The following NOTCH1 variants were observed in gnomAD, a reference collection of about 807,000 sequenced individuals.
NOTCH1 encodes the protein notch receptor 1, also known as neurogenic locus notch homolog protein 1.
A neutral mutation model predicts 254.8 loss-of-function variants in NOTCH1; 37 were observed. That is an observed-to-expected ratio of 0.15 (90% CI 0.11 to 0.19). The LOEUF (loss-of-function observed/expected upper bound fraction) is 0.19. Among genes scored for constraint, NOTCH1 ranks in the 10% least tolerant of loss-of-function variants. The pLI, the probability that NOTCH1 is intolerant of heterozygous loss-of-function variation, is 1.00. For missense variants in NOTCH1, 2,972 were observed against 3,708.6 expected (o/e 0.80, Z 5.16); for synonymous variants, 1,731 against 1,618.1 (o/e 1.07, Z -1.68).
chr9:136,535,326 G>T (rs1157653342), intron 2 of NOTCH1, among the ~76,000 whole-genome samples: 1 of 152,016 alleles, frequency 6.6e-6, no homozygotes, highest in Non-Finnish European at 1.5e-5. Context: ...AGAGGGCCCT[G>T]TTTAACCGTG....
intron 27 of NOTCH1, chr9:136,502,705 G>C (rs1843018034): frequency 1.7e-6 from 1 of 577,504 alleles, no homozygotes; most frequent in Non-Finnish European, 3.1e-6. Context: ...TCTATCTGGA[G>C]ACGGCTTTTA....
intron 2 of NOTCH1, among the ~76,000 whole-genome samples, chr9:136,526,240 G>C (rs540015565): frequency 6.6e-6 from 1 of 152,268 alleles, no homozygotes; most frequent in Admixed American, 6.5e-5. Flanking sequence ...GCACAGGCTG[G>C]GCTGGGCTGG....
rs1564216766 is a variant in NOTCH1, at chr9:136,545,121, T to TC, written c.61+604dup. Among the ~76,000 whole-genome samples, 1 of 150,702 alleles carries TC rather than the reference T, an allele frequency of 6.6e-6. No individual in the cohort carries two copies. Among genetic ancestry groups the TC allele is most frequent in the Admixed American group, 6.6e-5 (1 of 15,194 alleles). ...TCCGCAAAGCAAAAGGAAAGTTCAG[T>TC]CCCCCCGGGCGCGGCGGCTTCTTAC... On this transcript the variant is annotated intron_variant, in intron 1 of 33. Transcript: ENST00000651671. The surrounding 1 kb of genome is among the most constrained non-coding windows in gnomAD (Gnocchi z 6.8).
rs368588745 is a variant in NOTCH1 at position 136,518,273 on chromosome 9, G to A, written c.1119C>T (p.Asn373=). Residue 373 remains asparagine, a synonymous_variant, in exon 7 of 34, where the codon AAC becomes AAT. Coordinates refer to ENST00000651671, the MANE Select transcript of NOTCH1 (RefSeq NM_017617.5). ...TACAGGGGTTGCTGATGCATGCGTC[G>A]TTGAGGTGGCACAGCAGACCTGGGC... is the stretch of plus-strand genomic sequence containing the variant. ...HGRTGLLCHL[N]DACISNPCNE... is the part of the protein sequence containing the mutation. The A allele has an allele frequency of 1.2e-5, 20 of 1,610,746 alleles. No homozygotes were observed. The highest frequency in any genetic ancestry group is 4.0e-5 in the African/African-American group (3 of 74,882).
rs1843049390 is a variant in NOTCH1 at position 136,504,698 on chromosome 9, C to T, written c.4993G>A (p.Glu1665Lys). The T allele has an allele frequency of 2.0e-6, 3 of 1,532,616 alleles. No individual in the cohort carries two copies. In the South Asian group the frequency reaches 3.7e-5, roughly 19 times the overall value. 94.9% of individuals were successfully genotyped at this position (1,532,616 alleles called of 1,614,324 possible). A position where few individuals can be genotyped will look rare whatever the true frequency, so the allele number is the denominator to read the frequency against. ...CCGCGGACGTCCATGGGGTCCAGCT[C>T]CCTCCGCCGCCGCCCACCCTCGCTG... is the stretch of plus-strand genomic sequence containing the variant. ...GGSEGGRRRRELDPMDVRGSI... is the reference protein window; with the variant it reads ...GGSEGGRRRRKLDPMDVRGSI... The change falls in exon 26 of 34, where the codon GAG (glutamate) becomes AAG (lysine). Residue 1665 changes from glutamate to lysine, a missense_variant. Glu to Lys is a moderately conservative substitution (Grantham distance 56). Coordinates refer to ENST00000651671, the MANE Select transcript of NOTCH1 (RefSeq NM_017617.5).
chr9:136,521,325 G>A (rs1843363511), intron 4 of NOTCH1, among the ~76,000 whole-genome samples: 1 of 152,112 alleles, frequency 6.6e-6, no homozygotes, highest in Non-Finnish European at 1.5e-5. Flanking sequence ...ACTCAAGTGA[G>A]TGAACCCCAC....
chr9:136,539,557 T>C (rs978481542), intron 2 of NOTCH1, among the ~76,000 whole-genome samples: 1 of 152,078 alleles, frequency 6.6e-6, no homozygotes, highest in Non-Finnish European at 1.5e-5. Context: ...CCTGGGTAAT[T>C]TTTGTATTTT....
At position 136,497,534 on chromosome 9, in the gene NOTCH1, C is replaced by T. The variant is rs567909904; in HGVS notation, c.6205G>A (p.Ala2069Thr). 27 of 1,604,512 alleles carry T rather than the reference C, an allele frequency of 1.7e-5. No individual in the cohort carries two copies. The Admixed American group carries it at 2.3e-4, about 14-fold the overall frequency. Residue 2069 changes from alanine (A) to threonine (T), a missense_variant, in exon 34 of 34, where the codon GCC becomes ACC. Coordinates refer to ENST00000651671, the MANE Select transcript of NOTCH1 (RefSeq NM_017617.5). ...NREETPLFLA[A>T]REGSYETAKV... ...GCGGTCTCGTAGCTGCCCTCCCGGG[C>T]GGCCAGAAACAGGGGTGTCTCCTCC...
intron 2 of NOTCH1, among the ~76,000 whole-genome samples, chr9:136,531,233 A>AC (rs1843553631): frequency 6.6e-6 from 1 of 152,114 alleles, no homozygotes; most frequent in African/African-American, 2.4e-5. Context: ...GTCTCATGGG[A>AC]CCCCCACAAC....
intron 2 of NOTCH1, among the ~76,000 whole-genome samples, chr9:136,525,123 C>T (rs1030777596): frequency 1.3e-5 from 2 of 152,190 alleles, no homozygotes; most frequent in Admixed American, 1.3e-4. Flanking sequence ...GCAGAAGCAC[C>T]CACATTACAG....
At chr9:136,519,634 A>G in intron 4 of NOTCH1, 69 bp from the exon 5 acceptor site, 2 of 1,608,748 alleles carry the variant, frequency 1.2e-6, no homozygotes, top group Admixed American at 1.7e-5. Context: ...GACCCCCGAC[A>G]CACTGCTCTG....
rs1326976998 is a variant in NOTCH1, at chr9:136,509,971, G to A, written c.2741-10C>T. Reference sequence around the variant, plus strand: ...CCGTTGTGACACGGGTCTGGGAGAGGACGGAAGGGTGAGTGTGAGGGGCAG... The same window carrying A: ...CCGTTGTGACACGGGTCTGGGAGAGAACGGAAGGGTGAGTGTGAGGGGCAG... On this transcript the variant is annotated splice_polypyrimidine_tract_variant and intron_variant, in intron 17 of 33. Transcript: ENST00000651671. 5 of 1,611,696 alleles carry A rather than the reference G, an allele frequency of 3.1e-6. No individual in the cohort carries two copies. In the East Asian group the frequency reaches 1.1e-4, roughly 36 times the overall value.
intron 2 of NOTCH1, chr9:136,542,788 G>C (rs1422937800): frequency 1.3e-5 from 2 of 152,152 alleles, no homozygotes; most frequent in African/African-American, 2.4e-5. Flanking sequence ...AGACTGGCTG[G>C]GGAGCCATTT....
rs1368228114 is a variant in NOTCH1, at chr9:136,497,284, C to A, written c.6455G>T (p.Gly2152Val). The A allele has an allele frequency of 6.2e-7, 1 of 1,609,438 alleles. No homozygotes were observed. The change falls in exon 34 of 34, where the codon GGC (glycine) becomes GTC (valine). Residue 2152 changes from glycine to valine, a missense_variant. Gly to Val is a moderately radical substitution (Grantham distance 109). Around this residue, in one of 8 missense-constraint regions of NOTCH1, gnomAD observed 529 missense variants for 529.2 expected, o/e 1.00. Coordinates refer to ENST00000651671, the MANE Select transcript of NOTCH1 (RefSeq NM_017617.5). ...CTTGCGGACCTTCTTGCCCTGCACG[C>A]CGGGCTTGAGGCTGCCCAGGTAGCC... Reference protein sequence around the residue: ...PNGYLGSLKPGVQGKKVRKPS... With the variant: ...PNGYLGSLKPVVQGKKVRKPS...
At chr9:136,534,487 TG>T (rs1843610971) in intron 2 of NOTCH1, among the ~76,000 whole-genome samples, 1 of 152,076 alleles carries the variant, frequency 6.6e-6, no homozygotes, top group African/African-American at 2.4e-5. Context: ...GACTATTTCT[TG>T]GGGAAAAATC....
intron 31 of NOTCH1, 47 bp downstream of exon 31, chr9:136,500,505 G>A (rs1280283711): frequency 3.1e-6 from 5 of 1,600,322 alleles, no homozygotes; most frequent in Non-Finnish European, 4.2e-6. Flanking sequence ...CAGACCACCA[G>A]GCGGCCCTGA....
chr9:136,533,295 G>A (rs900468593), intron 2 of NOTCH1, among the ~76,000 whole-genome samples: 1 of 45,010 alleles, frequency 2.2e-5, no homozygotes, highest in Non-Finnish European at 3.9e-5. Flanking sequence ...CCGCGCACCA[G>A]CCAGTGCCCA....
At chr9:136,519,075 C>T (rs573164610) in intron 5 of NOTCH1, among the ~76,000 whole-genome samples, 2 of 152,340 alleles carry the variant, frequency 1.3e-5, no homozygotes, top group African/African-American at 2.4e-5. Flanking sequence ...GGGTAATTCC[C>T]GAACACAGGG....
In NOTCH1 at chr9:136,545,870, G is replaced by A. The variant is rs1843808612; in HGVS notation, c.-84C>T. On this transcript the variant is annotated 5_prime_UTR_variant, in exon 1 of 34. Coordinates refer to ENST00000651671, the MANE Select transcript of NOTCH1 (RefSeq NM_017617.5). The surrounding 1 kb of genome is among the most constrained non-coding windows in gnomAD (Gnocchi z 6.8). ...GCTGGGACGCACACGCGCGGCGTAC[G>A]GTCCCGGGGCGGCGGCGGACGGTCC... 3 of 700,832 alleles carry A rather than the reference G, an allele frequency of 4.3e-6. No individual in the cohort carries two copies. In the African/African-American group the frequency reaches 5.7e-5, roughly 13 times the overall value. The allele number at this position is 700,832 out of a possible 1,614,324, so 43.4% of individuals were successfully genotyped here. A position where few individuals can be genotyped will look rare whatever the true frequency, so the allele number is the denominator to read the frequency against.
Sources: allele counts gnomAD v4.1 joint callset (sites outside exome capture counted in the v4.1 genomes callset), GRCh38; gene constraint gnomAD v4.1.1; regional missense constraint gnomAD v4.1.1; non-coding constraint Gnocchi (gnomAD v3.1); transcripts MANE v1.5; gene names NCBI Gene and HGNC (gene_info 2026-07-23, HGNC 2026-07-21).